PBLD: variants seen among roughly 807,000 people sequenced by gnomAD.
The protein encoded by PBLD is phenazine biosynthesis-like domain-containing protein.
Under a neutral mutation model 31.3 loss-of-function variants are expected in PBLD, and 26 were observed. The observed-to-expected ratio is 0.83, with a 90% CI of 0.61 to 1.15. The LOEUF is 1.15. PBLD is among the 50% of genes most tolerant of loss of function. The probability of loss-of-function intolerance (pLI) is 0.00; values close to 1 mark genes in which losing one functional copy is unlikely to be tolerated. For missense variants in PBLD, 307 were observed against 351.7 expected (o/e 0.87, Z 1.02); for synonymous variants, 114 against 129.0 (o/e 0.88, Z 0.79).
chr10:68,284,063 A>T lies in PBLD; in HGVS notation c.*114T>A. 9.6e-7 allele frequency: 1 copy of T among 1,039,562 alleles called. No homozygotes were observed. The highest frequency in any genetic ancestry group is 1.6e-5 in the African/African-American group (1 of 62,062). The allele number at this position is 1,039,562 out of a possible 1,614,324, so 64.4% of individuals were successfully genotyped here. A position where few individuals can be genotyped will look rare whatever the true frequency, so the allele number is the denominator to read the frequency against. On this transcript the variant is annotated 3_prime_UTR_variant, in exon 10 of 10. Coordinates refer to ENST00000358769, the MANE Select transcript of PBLD (RefSeq NM_022129.4). Reference sequence around the variant, plus strand: ...CGCCTGGCCCATTTTTCGATTTTTAACATGAGGATTAAGTAGACTACTACG... The same window carrying T: ...CGCCTGGCCCATTTTTCGATTTTTATCATGAGGATTAAGTAGACTACTACG...
At chr10:68,317,747 G>A (rs966657630) in intron 1 of PBLD, among the ~76,000 whole-genome samples, 2 of 151,322 alleles carry the variant, frequency 1.3e-5, no homozygotes. Flanking sequence ...GCAGTGAGCC[G>A]AGATCACACC....
chr10:68,299,991 A>T (rs984683977), intron 2 of PBLD, among the ~76,000 whole-genome samples: 18 of 152,026 alleles, frequency 1.2e-4, no homozygotes, highest in Non-Finnish European at 2.9e-5. Flanking sequence ...CTTGGGTTCA[A>T]GCGATTCTCT....
At chr10:68,313,975 T>C (rs999483491) in intron 1 of PBLD, among the ~76,000 whole-genome samples, 1 of 152,018 alleles carries the variant, frequency 6.6e-6, no homozygotes, top group Non-Finnish European at 1.5e-5. Flanking sequence ...TATTTTTACT[T>C]ATTTATTTAT....
chr10:68,286,873 G>A (rs200122156), intron 8 of PBLD, among the ~76,000 whole-genome samples: 6 of 151,528 alleles, frequency 4.0e-5, no homozygotes, highest in Admixed American at 3.9e-4. Context: ...TGGGGTGGGC[G>A]TCCCAGCACT....
intron 1 of PBLD, among the ~76,000 whole-genome samples, chr10:68,309,406 C>CAAA (rs58152894): frequency 7.8e-5 from 9 of 114,698 alleles, no homozygotes; most frequent in East Asian, 3.9e-4. Flanking sequence ...GATTATGTTT[C>CAAA]AAAAAAAAAA....
At chr10:68,303,966 A>C (rs1238922413) in intron 2 of PBLD, among the ~76,000 whole-genome samples, 9 of 152,186 alleles carry the variant, frequency 5.9e-5, no homozygotes, top group Non-Finnish European at 1.2e-4. Context: ...ATGGGTTTAC[A>C]TGCCCATTTT....
intron 6 of PBLD, among the ~76,000 whole-genome samples, chr10:68,290,001 ACT>A (rs1251028369): frequency 6.6e-6 from 1 of 151,998 alleles, no homozygotes; most frequent in Non-Finnish European, 1.5e-5. Context: ...ACCCTGGTTC[ACT>A]CTACCTGACT....
chr10:68,320,069 C>T (rs1464172399), intron 1 of PBLD, among the ~76,000 whole-genome samples: 5 of 151,984 alleles, frequency 3.3e-5, no homozygotes, highest in Admixed American at 2.6e-4. Context: ...GTGATCTGCC[C>T]GTCTCGGCCT....
intron 9 of PBLD, among the ~76,000 whole-genome samples, chr10:68,284,695 C>A (rs4142049): frequency 0.25 from 38,710 of 152,124 alleles, 5,406 homozygotes; most frequent in East Asian, 0.33. Flanking sequence ...AGAAGGCCCC[C>A]ATCTTCTCAG....
intron 8 of PBLD, among the ~76,000 whole-genome samples, chr10:68,286,670 C>T (rs944790689): frequency 6.6e-6 from 1 of 152,032 alleles, no homozygotes; most frequent in Non-Finnish European, 1.5e-5. Flanking sequence ...AGCTAACATT[C>T]CTGAGCTTTT....
rs1457230772 is a variant in PBLD, at chr10:68,288,614, A to G, written c.560T>C (p.Val187Ala). ...CCCTTTCACCTTCCCTGTGTTTTCA[A>G]CTTGCAGCAGATTCTCCGTGTTCAC... ...LKVNTENLLQ[V>A]ENTGKVKGLI... Residue 187 changes from valine (V) to alanine (A), a missense_variant, in exon 8 of 10, where the codon GTT (valine) becomes GCT (alanine). By Grantham distance (64) the Val-to-Ala change is moderately conservative (BLOSUM62 0). Transcript: ENST00000358769. The G allele has an allele frequency of 1.2e-6, 2 of 1,614,022 alleles. No individual in the cohort carries two copies.
chr10:68,322,068 C>G (rs1480005532), intron 1 of PBLD, among the ~76,000 whole-genome samples: 2 of 152,112 alleles, frequency 1.3e-5, no homozygotes, highest in Admixed American at 1.3e-4. Flanking sequence ...GTGGAGAAAC[C>G]TAGCAAACAC....
chr10:68,308,845 G>GGTGTGTGTTGT (rs1554859236), intron 1 of PBLD, among the ~76,000 whole-genome samples: 1 of 130,360 alleles, frequency 7.7e-6, no homozygotes, highest in African/African-American at 2.9e-5. Flanking sequence ...TGACCTGCAT[G>GGTGTGTGTTGT]GTGTGTGTGT....
rs780479017 is a variant in PBLD at position 68,288,965 on chromosome 10, T to G, written c.478A>C (p.Lys160Gln). Residue 160 changes from lysine (K) to glutamine (Q), a missense_variant, in exon 7 of 10, where the codon AAG becomes CAG. Coordinates refer to ENST00000358769, the MANE Select transcript of PBLD (RefSeq NM_022129.4). ...ACGTCACTGAGGCGGACGAGGAGCT[T>G]TTGGGTATCTGGAGAATAACAGATG... ...QDICYSPDTQ[K>Q]LLVRLSDVYN... 1.9e-6 allele frequency: 3 copies of G among 1,613,992 alleles called. No homozygotes were observed. In the East Asian group the frequency reaches 6.7e-5, roughly 36 times the overall value.
intron 6 of PBLD, among the ~76,000 whole-genome samples, chr10:68,290,493 G>A (rs1001584835): frequency 1.3e-5 from 2 of 152,074 alleles, no homozygotes; most frequent in Non-Finnish European, 2.9e-5. Context: ...CGAGGCAGGC[G>A]GATCACCTGA....
intron 2 of PBLD, among the ~76,000 whole-genome samples, chr10:68,298,286 A>T (rs968543168): frequency 1.3e-5 from 2 of 152,058 alleles, no homozygotes; most frequent in Non-Finnish European, 2.9e-5. Context: ...AAGAAAAAGA[A>T]TGAGGGCTTT....
intron 1 of PBLD, among the ~76,000 whole-genome samples, chr10:68,326,527 C>T (rs1006161310): frequency 6.6e-6 from 1 of 152,176 alleles, no homozygotes; most frequent in Non-Finnish European, 1.5e-5. Flanking sequence ...ACAGATTTCA[C>T]TGGAATAATG....
Position 68,285,411 on chromosome 10 carries a change from C to G in PBLD, c.692-1G>C. On this transcript the variant is annotated splice_acceptor_variant, in intron 8 of 9. Coordinates refer to ENST00000358769, the MANE Select transcript of PBLD (RefSeq NM_022129.4). LOFTEE classifies it high-confidence loss of function. Reference sequence around the variant, plus strand: ...CTGCTGAGAACAGCGTGTGCAGACCCTCAAAAGAAGTGAAAAGTTAGGAGA... The same window carrying G: ...CTGCTGAGAACAGCGTGTGCAGACCGTCAAAAGAAGTGAAAAGTTAGGAGA... 6.3e-7 allele frequency: 1 copy of G among 1,593,536 alleles called. No homozygotes were observed. The highest frequency in any genetic ancestry group is 8.5e-7 in the Non-Finnish European group (1 of 1,173,448).
At chr10:68,284,337 AT>A (rs1564722091) in intron 9 of PBLD, 48 bp from the exon 10 acceptor site, 1 of 1,474,672 alleles carries the variant, frequency 6.8e-7, no homozygotes, top group Non-Finnish European at 9.5e-7. Flanking sequence ...ACCCTTTTAA[AT>A]TAACAAAGCA....
Sources: allele counts gnomAD v4.1 joint callset (sites outside exome capture counted in the v4.1 genomes callset), GRCh38; gene constraint gnomAD v4.1.1; transcripts MANE v1.5; gene names NCBI Gene and HGNC (gene_info 2026-07-23, HGNC 2026-07-21).